Variants in CNTN4 observed in about 807,000 individuals in gnomAD.
CNTN4 encodes contactin-4.
CNTN4 carries 77 observed loss-of-function variants against 122.5 expected under a neutral mutation model. That is an observed-to-expected ratio of 0.63 (90% CI 0.52 to 0.76). The LOEUF is 0.76. Ranked by LOEUF, CNTN4 falls within the 30% of genes least tolerant of loss-of-function variation. The pLI is 0.00. For synonymous variants in CNTN4, 512 were observed against 447.0 expected (o/e 1.15, Z -1.83); for missense variants, 1,256 against 1,259.1 (o/e 1.00, Z 0.04).
intron 3 of CNTN4, among the ~76,000 whole-genome samples, chr3:2,406,044 CA>C (rs1453873962): frequency 6.7e-6 from 1 of 150,102 alleles, no homozygotes; most frequent in African/African-American, 2.5e-5. Context: ...AGAAAAAAAA[CA>C]GGGAAAGAGA....
intron 13 of CNTN4, among the ~76,000 whole-genome samples, chr3:2,927,863 C>G (rs1410996777): frequency 1.3e-5 from 2 of 152,222 alleles, no homozygotes; most frequent in East Asian, 3.9e-4. Flanking sequence ...TCTCTGTCAG[C>G]AGGCTAGTCC....
chr3:2,455,030 T>C (rs73804574), intron 3 of CNTN4, among the ~76,000 whole-genome samples: 3,429 of 148,902 alleles, frequency 0.023, 128 homozygotes, highest in African/African-American at 0.078. Flanking sequence ...CTTCATCTGT[T>C]AGTGGCCTTA....
intron 7 of CNTN4, among the ~76,000 whole-genome samples, chr3:2,853,093 G>A (rs375560554): frequency 4.0e-5 from 6 of 151,748 alleles, no homozygotes; most frequent in African/African-American, 1.5e-4. Flanking sequence ...AATGGAGGAA[G>A]GTAAAATAAG....
rs553995251 is a variant in CNTN4 at position 2,376,786 on chromosome 3, C to G, written c.-89+37553C>G. On this transcript the variant is annotated intron_variant, in intron 3 of 24. Transcript: ENST00000418658. ...TCTCTCATGTTGGTTGTGTGCTGAC[C>G]ATGCACTGACTCATTATCTGTCAAT... 5.9e-5 allele frequency among the ~76,000 whole-genome samples: 9 copies of G among 151,962 alleles called. No individual in the cohort carries two copies. The East Asian group carries it at 1.7e-3, about 29-fold the overall frequency.
At chr3:2,104,939 T>C (rs965155095) in intron 2 of CNTN4, among the ~76,000 whole-genome samples, 1 of 152,180 alleles carries the variant, frequency 6.6e-6, no homozygotes, top group African/African-American at 2.4e-5. Context: ...TCTTAGTGCA[T>C]ATGGTCTGGG....
intron 13 of CNTN4, among the ~76,000 whole-genome samples, chr3:2,987,003 G>C (rs918878300): frequency 1.3e-5 from 2 of 152,196 alleles, no homozygotes; most frequent in African/African-American, 4.8e-5. Flanking sequence ...GAGACAGGGA[G>C]AACCACCGTA....
At chr3:2,728,731 TATCTAAACCC>T (rs1306142807) in intron 4 of CNTN4, among the ~76,000 whole-genome samples, 6 of 152,234 alleles carry the variant, frequency 3.9e-5, no homozygotes, top group African/African-American at 1.4e-4. Flanking sequence ...GTACAACTCA[TATCTAAACCC>T]ATGCAGTCTT....
intron 3 of CNTN4, among the ~76,000 whole-genome samples, chr3:2,340,706 T>TAGAGAGAGAGAGAGAGAGAGGGAGGG (rs1176854234): frequency 8.3e-5 from 2 of 24,058 alleles, no homozygotes; most frequent in African/African-American, 1.7e-4. Context: ...TATATATATA[T>TAGAGAGAGAGAGAGAGAGAGGGAGGG]ATATAGAGAG....
At chr3:2,502,483 G>A (rs945984502) in intron 3 of CNTN4, among the ~76,000 whole-genome samples, 4 of 152,200 alleles carry the variant, frequency 2.6e-5, no homozygotes, top group Middle Eastern at 3.4e-3. Context: ...CAGTTGTGTA[G>A]CCTGACACTA....
At chr3:2,396,734 G>T (rs2046655403) in intron 3 of CNTN4, among the ~76,000 whole-genome samples, 1 of 151,010 alleles carries the variant, frequency 6.6e-6, no homozygotes, top group Admixed American at 6.6e-5. Context: ...GAAAGAACTA[G>T]TCAAAGTGGC....
chr3:2,801,895 A>T (rs1471772110), intron 6 of CNTN4, among the ~76,000 whole-genome samples: 2 of 152,158 alleles, frequency 1.3e-5, no homozygotes. Flanking sequence ...AATGCCATCC[A>T]TGTCTGCTTA....
At chr3:2,134,014 T>C (rs2034571427) in intron 2 of CNTN4, among the ~76,000 whole-genome samples, 1 of 152,140 alleles carries the variant, frequency 6.6e-6, no homozygotes, top group South Asian at 2.1e-4. Context: ...ACTGATGAAA[T>C]TTTAAAAAAT....
rs1233724660 is a variant in CNTN4 at position 2,600,005 on chromosome 3, CTTCT to C, written c.55+28450_55+28453del. ...CAACTCTATTTTGGTTTATGGAATT[CTTCT>C]TTTTTTTTTTTTTTTTTTTTTTTTT... is the stretch of plus-strand genomic sequence containing the variant. On this transcript the variant is annotated intron_variant, in intron 4 of 24. Transcript: ENST00000418658. 8.1e-4 allele frequency among the ~76,000 whole-genome samples: 23 copies of C among 28,302 alleles called. 3 individuals are homozygous for C. Among genetic ancestry groups the C allele is most frequent in the Admixed American group, 1.8e-3 (4 of 2,202 alleles). 18.6% of individuals were successfully genotyped at this position (28,302 alleles called of 152,430 possible). A position where few individuals can be genotyped will look rare whatever the true frequency, so the allele number is the denominator to read the frequency against.
intron 6 of CNTN4, among the ~76,000 whole-genome samples, chr3:2,814,552 A>G (rs1377063826): frequency 6.6e-6 from 1 of 152,248 alleles, no homozygotes; most frequent in Non-Finnish European, 1.5e-5. Flanking sequence ...AAGTACTTAT[A>G]CCAACCCATC....
At chr3:2,528,155 T>C (rs2077469645) in intron 3 of CNTN4, among the ~76,000 whole-genome samples, 1 of 152,168 alleles carries the variant, frequency 6.6e-6, no homozygotes, top group African/African-American at 2.4e-5. Context: ...TTGTTCACAG[T>C]ACTGAGTAAT....
At chr3:2,287,632 G>GAGAAGGAGAAGA (rs1559415115) in intron 2 of CNTN4, among the ~76,000 whole-genome samples, 5 of 49,510 alleles carry the variant, frequency 1.0e-4, no homozygotes, top group African/African-American at 2.8e-4. Context: ...GAAGGAGAAG[G>GAGAAGGAGAAGA]AGAAGAAGAA....
intron 6 of CNTN4, among the ~76,000 whole-genome samples, chr3:2,814,175 T>G (rs534164733): frequency 2.1e-4 from 32 of 152,270 alleles, no homozygotes; most frequent in Admixed American, 1.3e-3. Context: ...TGCTGACAAA[T>G]GAAATCAACA....
At chr3:2,664,973 G>T (rs1181809439) in intron 4 of CNTN4, among the ~76,000 whole-genome samples, 1 of 152,068 alleles carries the variant, frequency 6.6e-6, no homozygotes, top group African/African-American at 2.4e-5. Flanking sequence ...GACTGCTTCT[G>T]GGGAGGTTTT....
chr3:2,553,041 A>G (rs2078578168), intron 3 of CNTN4, among the ~76,000 whole-genome samples: 1 of 152,208 alleles, frequency 6.6e-6, no homozygotes, highest in Non-Finnish European at 1.5e-5. Flanking sequence ...GTTGGAGACC[A>G]GTGTATCAAC....
Sources: allele counts gnomAD v4.1 joint callset (sites outside exome capture counted in the v4.1 genomes callset), GRCh38; gene constraint gnomAD v4.1.1; transcripts MANE v1.5; gene names NCBI Gene and HGNC (gene_info 2026-07-23, HGNC 2026-07-21).